TRPM3: variants seen among roughly 807,000 people sequenced by gnomAD.
TRPM3 encodes long transient receptor potential channel 3.
Under a neutral mutation model 181.2 loss-of-function variants are expected in TRPM3, and 77 were observed. The observed-to-expected ratio is 0.42, with a 90% CI of 0.35 to 0.51. The LOEUF (loss-of-function observed/expected upper bound fraction) is 0.51, where lower values mean the gene tolerates loss of function less well. TRPM3 is among the 20% of genes least tolerant of loss of function. The pLI is 0.01. For synonymous variants in TRPM3, 745 were observed against 796.4 expected (o/e 0.94, Z 1.09); for missense variants, 1,759 against 2,196.7 (o/e 0.80, Z 3.98).
intron 9 of TRPM3, among the ~76,000 whole-genome samples, chr9:70,660,311 A>G (rs943057642): frequency 6.6e-6 from 1 of 152,134 alleles, no homozygotes; most frequent in African/African-American, 2.4e-5. Flanking sequence ...AGATAAATGC[A>G]TATCTGATTA....
chr9:70,948,079 T>C (rs1047500459), intron 1 of TRPM3, among the ~76,000 whole-genome samples: 6 of 149,256 alleles, frequency 4.0e-5, no homozygotes, highest in African/African-American at 1.5e-4. Flanking sequence ...TCATCCAAAA[T>C]ACAGCTCCTA....
intron 11 of TRPM3, among the ~76,000 whole-genome samples, chr9:70,636,773 C>T (rs2057282120): frequency 1.3e-5 from 2 of 151,524 alleles, no homozygotes; most frequent in African/African-American, 2.4e-5. Context: ...CTGCAACCTC[C>T]ACCTCCAGGG....
chr9:71,197,010 T>C (rs1177717957), intron 1 of TRPM3, among the ~76,000 whole-genome samples: 4 of 151,974 alleles, frequency 2.6e-5, no homozygotes, highest in Admixed American at 1.3e-4. Flanking sequence ...CAATGCTATC[T>C]CTCCCCCGAC....
At chr9:71,292,685 A>T (rs1236867611) in intron 1 of TRPM3, among the ~76,000 whole-genome samples, 4 of 152,060 alleles carry the variant, frequency 2.6e-5, no homozygotes, top group African/African-American at 9.6e-5. Flanking sequence ...TATCATACCT[A>T]GAGCATTTTA....
At chr9:70,548,217 T>G (rs193083443) in intron 25 of TRPM3, among the ~76,000 whole-genome samples, 10 of 152,360 alleles carry the variant, frequency 6.6e-5, no homozygotes, top group Admixed American at 6.5e-4. Flanking sequence ...ATGAGAAATA[T>G]CTTCAGACTT....
intron 1 of TRPM3, among the ~76,000 whole-genome samples, chr9:71,044,985 C>T (rs2059267962): frequency 6.6e-6 from 1 of 152,096 alleles, no homozygotes; most frequent in Non-Finnish European, 1.5e-5. Flanking sequence ...CCAGACTTAA[C>T]TGTTATTGCT....
intron 1 of TRPM3, among the ~76,000 whole-genome samples, chr9:71,283,585 G>A (rs974340862): frequency 1.3e-5 from 2 of 152,178 alleles, no homozygotes; most frequent in Non-Finnish European, 2.9e-5. Flanking sequence ...TTACTGGCAT[G>A]AGCCACCATG....
rs545368992 is a variant in TRPM3 at position 70,791,819 on chromosome 9, T to A, written c.974-7540A>T. ...ATTAAATTAATATGGCAAACTGTAT[T>A]TTTTTCTGTTTGTTTTCAATACAGC... On this transcript the variant is annotated intron_variant, in intron 6 of 25. Coordinates refer to ENST00000677713, the MANE Select transcript of TRPM3 (RefSeq NM_001366145.2). Among the ~76,000 whole-genome samples the A allele has an allele frequency of 2.2e-4, 34 of 152,330 alleles. No homozygotes were observed. The South Asian group carries it at 6.4e-3, about 29-fold the overall frequency.
At chr9:70,555,903 C>T (rs1035879516) in intron 22 of TRPM3, among the ~76,000 whole-genome samples, 2 of 152,326 alleles carry the variant, frequency 1.3e-5, no homozygotes, top group African/African-American at 4.8e-5. Context: ...AGAGAACTTA[C>T]ATGATTTTTA....
At chr9:70,867,808 A>G (rs2095684892) in intron 1 of TRPM3, among the ~76,000 whole-genome samples, 3 of 152,168 alleles carry the variant, frequency 2.0e-5, no homozygotes, top group South Asian at 4.1e-4. Context: ...AACATCATAT[A>G]TTAGATTTTT....
rs2077017250 is a variant in TRPM3, at chr9:71,174,567, A to C, written c.183+272086T>G. ...CAAAAAAAAAAGAAAATGAAGTTACAGCTTTGGAGAGAGTTCTGTGTGAAG... is the reference window on the plus strand; with the variant it reads ...CAAAAAAAAAAGAAAATGAAGTTACCGCTTTGGAGAGAGTTCTGTGTGAAG... On this transcript the variant is annotated intron_variant, in intron 1 of 24. Transcript: ENST00000357533. 2.0e-5 allele frequency among the ~76,000 whole-genome samples: 3 copies of C among 152,112 alleles called. No individual in the cohort carries two copies. In the South Asian group the frequency reaches 6.2e-4, roughly 31 times the overall value.
At chr9:71,134,300 C>T (rs952686880) in intron 1 of TRPM3, among the ~76,000 whole-genome samples, 2 of 152,058 alleles carry the variant, frequency 1.3e-5, no homozygotes, top group Non-Finnish European at 2.9e-5. Context: ...CACAGTGGCT[C>T]ACGCCTGTAA....
chr9:70,759,063 A>C (rs1273077589), intron 8 of TRPM3, among the ~76,000 whole-genome samples: 1 of 152,234 alleles, frequency 6.6e-6, no homozygotes, highest in Non-Finnish European at 1.5e-5. Flanking sequence ...AATGAGATAA[A>C]ATTTTTGCAA....
chr9:71,420,443 A>C (rs1435127840), intron 1 of TRPM3, among the ~76,000 whole-genome samples: 1 of 151,872 alleles, frequency 6.6e-6, no homozygotes, highest in Non-Finnish European at 1.5e-5. Flanking sequence ...CCACTTTGGC[A>C]TAAGGATTAT....
At chr9:70,981,870 G>C (rs1483096476) in intron 1 of TRPM3, among the ~76,000 whole-genome samples, 1 of 152,120 alleles carries the variant, frequency 6.6e-6, no homozygotes, top group Non-Finnish European at 1.5e-5. Context: ...TATTATCTTT[G>C]TATTATCCCC....
intron 3 of TRPM3, among the ~76,000 whole-genome samples, chr9:70,858,003 G>A (rs577421249): frequency 2.6e-5 from 4 of 152,254 alleles, no homozygotes; most frequent in African/African-American, 9.6e-5. Flanking sequence ...CTCCTGAGCA[G>A]AGATGTGGCT....
chr9:71,264,217 AC>A (rs1411150039), intron 1 of TRPM3, among the ~76,000 whole-genome samples: 1 of 152,052 alleles, frequency 6.6e-6, no homozygotes, highest in Non-Finnish European at 1.5e-5. Context: ...TAACACACAC[AC>A]CCCACAAAAA....
intron 1 of TRPM3, among the ~76,000 whole-genome samples, chr9:71,037,917 G>A (rs920898834): frequency 6.6e-6 from 1 of 152,156 alleles, no homozygotes; most frequent in African/African-American, 2.4e-5. Flanking sequence ...ATTCAAATAA[G>A]TGGCACAGCC....
chr9:71,264,207 TA>T (rs1356979511), intron 1 of TRPM3, among the ~76,000 whole-genome samples: 1 of 151,998 alleles, frequency 6.6e-6, no homozygotes, highest in Non-Finnish European at 1.5e-5. Flanking sequence ...AAAGGACAAG[TA>T]ACACACACAC....
Sources: allele counts gnomAD v4.1 joint callset (sites outside exome capture counted in the v4.1 genomes callset), GRCh38; gene constraint gnomAD v4.1.1; transcripts MANE v1.5; gene names NCBI Gene and HGNC (gene_info 2026-07-23, HGNC 2026-07-21).